Variants in MAML3 observed in about 807,000 individuals in gnomAD.
MAML3 encodes the protein mastermind-like protein 3.
Under a neutral mutation model 101.9 loss-of-function variants are expected in MAML3, and 27 were observed. That is an observed-to-expected ratio of 0.27 (90% CI 0.20 to 0.37). The LOEUF is 0.37. Ranked by LOEUF, MAML3 falls within the 10% of genes least tolerant of loss-of-function variation. The pLI is 1.00. For synonymous variants in MAML3, 501 were observed against 555.9 expected (o/e 0.90, Z 1.39); for missense variants, 1,316 against 1,444.9 (o/e 0.91, Z 1.45).
intron 1 of MAML3, among the ~76,000 whole-genome samples, chr4:139,946,469 C>A (rs1188632770): frequency 6.6e-6 from 1 of 151,876 alleles, no homozygotes; most frequent in East Asian, 1.9e-4. Context: ...GTTAAGCACA[C>A]AGGTATGTAC....
At chr4:140,084,196 C>T (rs993826661) in intron 1 of MAML3, among the ~76,000 whole-genome samples, 6 of 152,142 alleles carry the variant, frequency 3.9e-5, no homozygotes, top group Non-Finnish European at 7.4e-5. Context: ...CTTTATCAAA[C>T]GCTTTCTGAA....
At chr4:139,988,326 CAAAAAAAAAAAA>C (rs764018702) in intron 1 of MAML3, among the ~76,000 whole-genome samples, 3 of 81,950 alleles carry the variant, frequency 3.7e-5, no homozygotes, top group African/African-American at 1.1e-4. Context: ...GACTCCGTCT[CAAAAAAAAAAAA>C]AAAAAAAAAA....
intron 2 of MAML3, among the ~76,000 whole-genome samples, chr4:139,885,331 A>T (rs1451137582): frequency 6.6e-6 from 1 of 152,018 alleles, no homozygotes; most frequent in Non-Finnish European, 1.5e-5. Context: ...GCTTGAGTCC[A>T]GGAATTCAAA....
intron 1 of MAML3, among the ~76,000 whole-genome samples, chr4:140,080,279 C>T (rs1451671343): frequency 6.6e-6 from 1 of 152,216 alleles, no homozygotes; most frequent in Non-Finnish European, 1.5e-5. Context: ...AATGTCTCTT[C>T]TTTAGGCTTT....
At chr4:139,967,981 GAGAAA>G (rs1489729668) in intron 1 of MAML3, among the ~76,000 whole-genome samples, 11 of 145,450 alleles carry the variant, frequency 7.6e-5, no homozygotes, top group East Asian at 2.0e-4. Context: ...AAAAAAAAAA[GAGAAA>G]AGAAAAGAAA....
intron 1 of MAML3, among the ~76,000 whole-genome samples, chr4:140,112,749 C>T (rs1250384845): frequency 6.6e-6 from 1 of 152,192 alleles, no homozygotes; most frequent in Non-Finnish European, 1.5e-5. Flanking sequence ...TACTTCCCTG[C>T]TTGTGCCAGG....
chr4:140,039,768 T>G (rs1417203547), intron 1 of MAML3, among the ~76,000 whole-genome samples: 1 of 152,218 alleles, frequency 6.6e-6, no homozygotes, highest in Non-Finnish European at 1.5e-5. Flanking sequence ...AGAGCTACTC[T>G]GACATGGGTG....
intron 1 of MAML3, among the ~76,000 whole-genome samples, chr4:140,007,046 T>A (rs1274958407): frequency 6.6e-6 from 1 of 152,158 alleles, no homozygotes; most frequent in Non-Finnish European, 1.5e-5. Context: ...TGAAAAGGAA[T>A]CTGAGTCCAC....
chr4:139,866,115 C>T (rs1238325341), intron 2 of MAML3, among the ~76,000 whole-genome samples: 1 of 152,208 alleles, frequency 6.6e-6, no homozygotes, highest in African/African-American at 2.4e-5. Context: ...CCTGCAGAAC[C>T]CCCAGGAGGC....
chr4:139,974,467 T>C (rs1408403559), intron 1 of MAML3, among the ~76,000 whole-genome samples: 1 of 152,082 alleles, frequency 6.6e-6, no homozygotes, highest in Non-Finnish European at 1.5e-5. Context: ...TTATAGGAGA[T>C]TTTGGAGAAG....
chr4:139,858,970 G>C (rs942415535), intron 2 of MAML3, among the ~76,000 whole-genome samples: 2 of 152,118 alleles, frequency 1.3e-5, no homozygotes, highest in African/African-American at 4.8e-5. Flanking sequence ...CTGGAGTCTA[G>C]AAAACAGAGT....
chr4:140,130,529 TA>T (rs1728774282), intron 1 of MAML3, among the ~76,000 whole-genome samples: 1 of 152,234 alleles, frequency 6.6e-6, no homozygotes, highest in Non-Finnish European at 1.5e-5. Context: ...AAAAACTGAT[TA>T]AAACCTTTTG....
intron 1 of MAML3, among the ~76,000 whole-genome samples, chr4:140,027,988 A>G (rs1283781264): frequency 6.6e-6 from 1 of 152,132 alleles, no homozygotes; most frequent in Non-Finnish European, 1.5e-5. Flanking sequence ...TCACATATTT[A>G]CCCTCTCAAA....
chr4:139,738,352 T>C (rs1311789453), intron 2 of MAML3, among the ~76,000 whole-genome samples: 2 of 152,254 alleles, frequency 1.3e-5, no homozygotes, highest in East Asian at 1.9e-4. Context: ...AAGACCAGCC[T>C]GGCCAACATG....
At chr4:139,739,224 G>A (rs1729069282) in intron 2 of MAML3, among the ~76,000 whole-genome samples, 1 of 152,190 alleles carries the variant, frequency 6.6e-6, no homozygotes, top group Non-Finnish European at 1.5e-5. Context: ...CTCCTGAGCT[G>A]ACCCTCTGCT....
rs370731901 is a variant in MAML3, at chr4:140,064,137, T to C, written c.468+88723A>G. 5.3e-5 allele frequency among the ~76,000 whole-genome samples: 8 copies of C among 152,336 alleles called. No homozygotes were observed. In the East Asian group the frequency reaches 1.5e-3, roughly 29 times the overall value. On this transcript the variant is annotated intron_variant, in intron 1 of 4. Coordinates refer to ENST00000509479, the MANE Select transcript of MAML3 (RefSeq NM_018717.5). ...GACGTAAACTTTGTATTTTAATAAT[T>C]TGGTTCTAATCCATATTTAATCACA...
At position 140,153,432 on chromosome 4, in the gene MAML3, G is replaced by A; in HGVS notation, c.-105C>T. The A allele has an allele frequency of 1.6e-6, 2 of 1,287,476 alleles. No homozygotes were observed. The highest frequency in any genetic ancestry group is 6.5e-5 in the East Asian group (2 of 30,550). The allele number at this position is 1,287,476 out of a possible 1,614,324, so 79.8% of individuals were successfully genotyped here. On this transcript the variant is annotated 5_prime_UTR_variant, in exon 1 of 5. Coordinates refer to ENST00000509479, the MANE Select transcript of MAML3 (RefSeq NM_018717.5). ...AAAATAGTTTAAGTGGAACGCGGGG[G>A]AGACGCAAGCACATGGATGGAAACG...
chr4:139,766,831 C>T (rs746543028), intron 2 of MAML3, among the ~76,000 whole-genome samples: 8 of 152,350 alleles, frequency 5.3e-5, no homozygotes, highest in Admixed American at 2.6e-4. Flanking sequence ...TTTGCCACTG[C>T]GCCATCTCCC....
At chr4:139,975,727 G>T (rs945896560) in intron 1 of MAML3, among the ~76,000 whole-genome samples, 2 of 152,170 alleles carry the variant, frequency 1.3e-5, no homozygotes, top group Non-Finnish European at 2.9e-5. Context: ...AATGAAAAAG[G>T]TGTGAAGTCA....
Sources: allele counts gnomAD v4.1 joint callset (sites outside exome capture counted in the v4.1 genomes callset), GRCh38; gene constraint gnomAD v4.1.1; transcripts MANE v1.5; gene names NCBI Gene and HGNC (gene_info 2026-07-23, HGNC 2026-07-21).